SUPT3H: variants seen among roughly 807,000 people sequenced by gnomAD.
SUPT3H encodes SPT3 homolog, SAGA and STAGA complex component.
In SUPT3H, 44 loss-of-function variants were observed where a neutral mutation model predicts 44.3. The ratio of observed to expected loss-of-function variants is 0.99; its 90% CI spans 0.78 to 1.28. The LOEUF is 1.28. Among genes scored for constraint, SUPT3H ranks in the 50% most tolerant of loss-of-function variants. The pLI, the probability that SUPT3H is intolerant of heterozygous loss-of-function variation, is 0.00. For missense variants in SUPT3H, 380 were observed against 387.1 expected, an observed-to-expected ratio of 0.98 and a Z score of 0.15; for synonymous variants, 124 against 125.6, an observed-to-expected ratio of 0.99 and a Z score of 0.09.
intron 5 of SUPT3H, among the ~76,000 whole-genome samples, chr6:45,007,096 T>A (rs1782821748): frequency 6.6e-6 from 1 of 152,178 alleles, no homozygotes; most frequent in Non-Finnish European, 1.5e-5. Flanking sequence ...AGTCCCTTCC[T>A]CTCATGAATC....
At chr6:45,013,537 C>T (rs1223839686) in intron 5 of SUPT3H, among the ~76,000 whole-genome samples, 1 of 151,946 alleles carries the variant, frequency 6.6e-6, no homozygotes, top group African/African-American at 2.4e-5. Context: ...GGGAAGCAAC[C>T]CCTAGACTTC....
chr6:45,001,850 G>A (rs1226089546), intron 6 of SUPT3H, among the ~76,000 whole-genome samples: 1 of 151,998 alleles, frequency 6.6e-6, no homozygotes, highest in Non-Finnish European at 1.5e-5. Flanking sequence ...CCACAGTTGT[G>A]GTTAACTCTT....
At chr6:45,292,560 C>T (rs1454373791) in intron 2 of SUPT3H, among the ~76,000 whole-genome samples, 3 of 151,620 alleles carry the variant, frequency 2.0e-5, no homozygotes, top group African/African-American at 7.3e-5. Flanking sequence ...TATCCACCAA[C>T]CAATTATCTG....
chr6:45,162,427 G>A lies in SUPT3H; in HGVS notation c.102-56421C>T, dbSNP rs765465925. ...TAGTCCCAGCTACTCAGGAGACTGA[G>A]GCAGGAGGAATACTTAAGCCCAGAG... On this transcript the variant is annotated intron_variant, in intron 2 of 10. Coordinates refer to ENST00000371459, the MANE Select transcript of SUPT3H (RefSeq NM_003599.4). Among the ~76,000 whole-genome samples, 67 of 152,252 alleles carry A rather than the reference G, an allele frequency of 4.4e-4. 1 individual carries two copies. Among genetic ancestry groups the A allele is most frequent in the Admixed American group, 1.2e-3 (19 of 15,270 alleles).
chr6:45,375,819 C>T (rs533393591), intron 1 of SUPT3H, among the ~76,000 whole-genome samples: 12 of 150,708 alleles, frequency 8.0e-5, no homozygotes, highest in African/African-American at 3.0e-4. Context: ...TTTATATACA[C>T]TTGCTTTAAA....
intron 2 of SUPT3H, among the ~76,000 whole-genome samples, chr6:45,107,837 C>T (rs1364239785): frequency 1.3e-5 from 2 of 152,120 alleles, no homozygotes; most frequent in Admixed American, 1.3e-4. Context: ...ACAGCCTATA[C>T]ATACCTGAAT....
At chr6:45,303,681 A>G (rs1367068195) in intron 2 of SUPT3H, among the ~76,000 whole-genome samples, 1 of 150,890 alleles carries the variant, frequency 6.6e-6, no homozygotes, top group Non-Finnish European at 1.5e-5. Flanking sequence ...TAAAAAAAAA[A>G]AAAAAAAAAA....
chr6:45,315,970 T>TAGAG (rs1386780320), intron 2 of SUPT3H, among the ~76,000 whole-genome samples: 1 of 148,774 alleles, frequency 6.7e-6, no homozygotes, highest in African/African-American at 2.5e-5. Context: ...GATAGATAGA[T>TAGAG]AGATGATGGA....
chr6:45,147,571 G>A (rs150650759), intron 2 of SUPT3H, among the ~76,000 whole-genome samples: 1 of 151,900 alleles, frequency 6.6e-6, no homozygotes, highest in African/African-American at 2.4e-5. Flanking sequence ...AAGGGTATAA[G>A]GGACCTGACC....
chr6:45,091,774 G>GA (rs1797152060), intron 3 of SUPT3H, among the ~76,000 whole-genome samples: 2 of 151,922 alleles, frequency 1.3e-5, no homozygotes, highest in Non-Finnish European at 2.9e-5. Context: ...CTAAATTATG[G>GA]AATCTTTATA....
chr6:45,296,861 C>T (rs146817116), intron 2 of SUPT3H, among the ~76,000 whole-genome samples: 1 of 150,912 alleles, frequency 6.6e-6, no homozygotes, highest in East Asian at 1.9e-4. Context: ...CAAACACCAC[C>T]TGTGCCCCGT....
chr6:45,062,709 T>C (rs893976994), intron 3 of SUPT3H, among the ~76,000 whole-genome samples: 1 of 152,134 alleles, frequency 6.6e-6, no homozygotes, highest in Non-Finnish European at 1.5e-5. Flanking sequence ...CGGACGCACC[T>C]GGAAAATCGG....
intron 3 of SUPT3H, among the ~76,000 whole-genome samples, chr6:45,045,253 T>A (rs1562329302): frequency 6.6e-6 from 1 of 152,022 alleles, no homozygotes; most frequent in Admixed American, 6.6e-5. Context: ...ATGGGGACCA[T>A]ACTTTGAGAA....
At chr6:44,918,412 A>T (rs1350779683) in intron 10 of SUPT3H, among the ~76,000 whole-genome samples, 2 of 152,246 alleles carry the variant, frequency 1.3e-5, no homozygotes, top group African/African-American at 4.8e-5. Flanking sequence ...ACACTTCTTC[A>T]TCACTTTAGT....
chr6:44,954,642 A>T (rs781602803), intron 7 of SUPT3H, 35 bp from the exon 8 acceptor site: 3 of 1,370,282 alleles, frequency 2.2e-6, no homozygotes, highest in Non-Finnish European at 3.1e-6. Context: ...CAGAAATTTT[A>T]ATTTTTAAAG....
At chr6:44,941,336 A>G (rs1296464253) in intron 9 of SUPT3H, among the ~76,000 whole-genome samples, 1 of 152,130 alleles carries the variant, frequency 6.6e-6, no homozygotes, top group African/African-American at 2.4e-5. Context: ...AGTGTGATGA[A>G]GTCCCTCAGT....
chr6:45,291,230 TC>T (rs1387195589), intron 2 of SUPT3H, among the ~76,000 whole-genome samples: 2 of 152,032 alleles, frequency 1.3e-5, no homozygotes, highest in Non-Finnish European at 2.9e-5. Flanking sequence ...GGAAGCCACA[TC>T]CATGGGAAAA....
chr6:44,983,396 T>C (rs1229330544), intron 6 of SUPT3H, among the ~76,000 whole-genome samples: 3 of 152,214 alleles, frequency 2.0e-5, no homozygotes, highest in Admixed American at 6.5e-5. Flanking sequence ...CATTTTCTAA[T>C]AGCTAATGAA....
At chr6:44,981,575 A>G (rs114376550) in intron 6 of SUPT3H, among the ~76,000 whole-genome samples, 2,934 of 152,272 alleles carry the variant, frequency 0.019, 55 homozygotes, top group South Asian at 0.086. Context: ...TTATACCATT[A>G]GAAAAAGATT....
Sources: allele counts gnomAD v4.1 joint callset (sites outside exome capture counted in the v4.1 genomes callset), GRCh38; gene constraint gnomAD v4.1.1; transcripts MANE v1.5; gene names NCBI Gene and HGNC (gene_info 2026-07-23, HGNC 2026-07-21).